The following ITK variants were observed in gnomAD, a reference collection of about 807,000 sequenced individuals.
ITK encodes IL2 inducible T cell kinase, also known as tyrosine-protein kinase ITK/TSK.
Under a neutral mutation model 87.6 loss-of-function variants are expected in ITK, and 45 were observed. The ratio of observed to expected loss-of-function variants is 0.51; its 90% confidence interval spans 0.40 to 0.66. The LOEUF is 0.66. Ranked by LOEUF, ITK falls within the 30% of genes least tolerant of loss-of-function variation. The probability of loss-of-function intolerance (pLI) is 0.00; values close to 1 mark genes in which losing one functional copy is unlikely to be tolerated. For missense variants in ITK, 605 were observed against 766.3 expected, an observed-to-expected ratio of 0.79 and a Z score of 2.48; for synonymous variants, 303 against 273.6, an observed-to-expected ratio of 1.11 and a Z score of -1.06.
At chr5:157,223,654 C>T (rs1754474035) in intron 6 of ITK, among the ~76,000 whole-genome samples, 1 of 152,016 alleles carries the variant, frequency 6.6e-6, no homozygotes, top group African/African-American at 2.4e-5. Flanking sequence ...ATGTATTAAC[C>T]CATGCTCTGG....
chr5:157,242,240 T>G (rs1227756918), intron 11 of ITK, among the ~76,000 whole-genome samples: 1 of 152,218 alleles, frequency 6.6e-6, no homozygotes, highest in Non-Finnish European at 1.5e-5. Flanking sequence ...CCTACGGAAT[T>G]GCTTCACTCA....
chr5:157,230,101 C>T (rs1392973878), intron 7 of ITK, among the ~76,000 whole-genome samples: 2 of 152,018 alleles, frequency 1.3e-5, no homozygotes, highest in African/African-American at 4.8e-5. Flanking sequence ...CTCATGACTT[C>T]GGTAATTGTA....
At position 157,237,969 on chromosome 5, in the gene ITK, G is replaced by A. The variant is rs558263650; in HGVS notation, c.769-140G>A. The A allele has an allele frequency of 4.6e-5, 32 of 696,102 alleles. No homozygotes were observed. In the African/African-American group the frequency reaches 5.1e-4, roughly 11 times the overall value. 43.1% of individuals were successfully genotyped at this position (696,102 alleles called of 1,614,324 possible). On this transcript the variant is annotated intron_variant, in intron 8 of 16. Coordinates refer to ENST00000422843, the MANE Select transcript of ITK (RefSeq NM_005546.4). ...ACGGAAGGACAGGAGTAAATGAAACGGTAGCCATTCTTACTGAAATCTGCT... is the reference window on the plus strand; with the variant it reads ...ACGGAAGGACAGGAGTAAATGAAACAGTAGCCATTCTTACTGAAATCTGCT...
chr5:157,220,182 G>A (rs1754385889), intron 5 of ITK, among the ~76,000 whole-genome samples: 1 of 152,150 alleles, frequency 6.6e-6, no homozygotes, highest in South Asian at 2.1e-4. Flanking sequence ...AGCAGGGCCA[G>A]TCCTCCGGGG....
At chr5:157,217,684 T>C (rs949524137) in intron 4 of ITK, among the ~76,000 whole-genome samples, 183 bp from the exon 5 acceptor site, 31 of 152,288 alleles carry the variant, frequency 2.0e-4, no homozygotes, top group Middle Eastern at 3.4e-3. Context: ...CCCAAGGAGA[T>C]AAAAGACAGC....
intron 1 of ITK, among the ~76,000 whole-genome samples, chr5:157,190,590 A>C (rs1008241969): frequency 6.6e-6 from 1 of 152,210 alleles, no homozygotes; most frequent in Non-Finnish European, 1.5e-5. Context: ...GCAAGTGTAT[A>C]ACTGCATAGG....
At chr5:157,240,392 G>C (rs144715799) in intron 10 of ITK, 197 bp downstream of exon 10, 1 of 626,522 alleles carries the variant, frequency 1.6e-6, no homozygotes, top group Non-Finnish European at 2.9e-6. Flanking sequence ...CTGATGATCT[G>C]AGATGGAACA....
chr5:157,252,176 A>G (rs1755151555), intron 16 of ITK, among the ~76,000 whole-genome samples: 1 of 152,084 alleles, frequency 6.6e-6, no homozygotes, highest in East Asian at 1.9e-4. Flanking sequence ...TAGAATTTTT[A>G]ATTTTTTCTC....
chr5:157,193,398 G>A lies in ITK; in HGVS notation c.138+12283G>A, dbSNP rs182606293. On this transcript the variant is annotated intron_variant, in intron 1 of 16. Coordinates refer to ENST00000422843, the MANE Select transcript of ITK (RefSeq NM_005546.4). ...AAAATACAAGCATGACCCCAAGAAC[G>A]CACCCTAAAAATGAAGTCAGACATT... is the stretch of plus-strand genomic sequence containing the variant. Among the ~76,000 whole-genome samples, 182 of 152,140 alleles carry A rather than the reference G, an allele frequency of 1.2e-3. 1 individual carries two copies. Among genetic ancestry groups the A allele is most frequent in the Admixed American group, 3.3e-3 (51 of 15,272 alleles).
chr5:157,212,540 G>T (rs930399265), intron 3 of ITK, among the ~76,000 whole-genome samples: 8 of 152,180 alleles, frequency 5.3e-5, no homozygotes, highest in African/African-American at 1.9e-4. Flanking sequence ...ATCAAAATGG[G>T]CTGGGCGCAG....
At chr5:157,189,535 G>A (rs1753710718) in intron 1 of ITK, among the ~76,000 whole-genome samples, 1 of 152,162 alleles carries the variant, frequency 6.6e-6, no homozygotes, top group South Asian at 2.1e-4. Flanking sequence ...CAAAAAATTA[G>A]TCAGGCGTGG....
chr5:157,213,122 C>T (rs901649933), intron 3 of ITK, among the ~76,000 whole-genome samples: 1 of 152,002 alleles, frequency 6.6e-6, no homozygotes, highest in Non-Finnish European at 1.5e-5. Flanking sequence ...GGCTGGGAGG[C>T]CTCAGGAAAC....
Position 157,228,298 on chromosome 5 carries a change from A to T in ITK, c.650A>T (p.His217Leu). The T allele has an allele frequency of 6.3e-7, 1 of 1,588,534 alleles. No individual in the cohort carries two copies. Among genetic ancestry groups the T allele is most frequent in the Non-Finnish European group, 8.6e-7 (1 of 1,156,744 alleles). ...AACATTAATTTTCCTTTTAACAGGC[A>T]TGAAGGATATGTACCAAGCAGTTAT... The part of the protein sequence containing the change: ...HWWRVQDRNG[H>L]EGYVPSSYLV... Residue 217 changes from histidine (H) to leucine (L), a missense_variant and splice_region_variant, in exon 7 of 17, where the codon CAT (histidine) becomes CTT (leucine). His to Leu is a moderately conservative substitution (Grantham distance 99, BLOSUM62 -3). This residue lies in a region of ITK where 464 missense variants were observed against 578.0 expected (regional missense o/e 0.80). Coordinates refer to ENST00000422843, the MANE Select transcript of ITK (RefSeq NM_005546.4).
chr5:157,248,830 G>T lies in ITK; in HGVS notation c.1634-20G>T. 2.5e-6 allele frequency: 4 copies of T among 1,613,880 alleles called. No individual in the cohort carries two copies. The highest frequency in any genetic ancestry group is 3.4e-6 in the Non-Finnish European group (4 of 1,179,830). On this transcript the variant is annotated intron_variant, in intron 15 of 16. Transcript: ENST00000422843. ...TGTGGGCTTTGTCATTCACTGTGCT[G>T]TGCTCACCATTTCTTGTAGGTGTGC...
At chr5:157,191,926 A>G (rs757967448) in intron 1 of ITK, among the ~76,000 whole-genome samples, 4 of 152,174 alleles carry the variant, frequency 2.6e-5, no homozygotes, top group Non-Finnish European at 4.4e-5. Context: ...GGATAAGAAC[A>G]TTTTCTGGTC....
chr5:157,202,589 G>A (rs958694323), intron 1 of ITK, among the ~76,000 whole-genome samples: 1 of 152,148 alleles, frequency 6.6e-6, no homozygotes, highest in Non-Finnish European at 1.5e-5. Context: ...GATTAGTGCT[G>A]TGATGAACAT....
chr5:157,232,614 G>A (rs1462440633), intron 8 of ITK, among the ~76,000 whole-genome samples: 1 of 145,384 alleles, frequency 6.9e-6, no homozygotes, highest in Admixed American at 6.8e-5. Flanking sequence ...AGGGAGGGAG[G>A]GAAGAAAGGT....
chr5:157,226,370 CA>C (rs1220279274), intron 6 of ITK, among the ~76,000 whole-genome samples: 1 of 152,128 alleles, frequency 6.6e-6, no homozygotes, highest in East Asian at 1.9e-4. Flanking sequence ...ATATGCTATT[CA>C]AAAGCAAAAT....
At position 157,253,074 on chromosome 5, in the gene ITK, C is replaced by G; in HGVS notation, c.*396C>G. ...TAACATGAATCTAAAGTTTATGGTTCCAGGGACTTTTTATTTGACCCAACA... is the reference window on the plus strand; with the variant it reads ...TAACATGAATCTAAAGTTTATGGTTGCAGGGACTTTTTATTTGACCCAACA... On this transcript the variant is annotated 3_prime_UTR_variant, in exon 17 of 17. Transcript: ENST00000422843. The G allele has an allele frequency of 2.8e-6, 1 of 356,512 alleles. No homozygotes were observed. The highest frequency in any genetic ancestry group is 4.3e-5 in the East Asian group (1 of 23,194). The allele number at this position is 356,512 out of a possible 1,614,324, so 22.1% of individuals were successfully genotyped here. A position where few individuals can be genotyped will look rare whatever the true frequency, so the allele number is the denominator to read the frequency against.
Sources: allele counts gnomAD v4.1 joint callset (sites outside exome capture counted in the v4.1 genomes callset), GRCh38; gene constraint gnomAD v4.1.1; regional missense constraint gnomAD v4.1.1; transcripts MANE v1.5; gene names NCBI Gene and HGNC (gene_info 2026-07-23, HGNC 2026-07-21).